DPP6: variants seen among roughly 807,000 people sequenced by gnomAD.
The protein encoded by DPP6 is dipeptidyl peptidase like 6, also known as A-type potassium channel modulatory protein DPP6.
Under a neutral mutation model 122.6 loss-of-function variants are expected in DPP6, and 69 were observed. The ratio of observed to expected loss-of-function variants is 0.56; its 90% CI spans 0.46 to 0.69. DPP6 has a LOEUF of 0.69. Ranked by LOEUF, DPP6 falls within the 30% of genes least tolerant of loss-of-function variation. The pLI is 0.00. For missense variants in DPP6, 928 were observed against 1,116.9 expected, an observed-to-expected ratio of 0.83 and a Z score of 2.41; for synonymous variants, 418 against 433.1, an observed-to-expected ratio of 0.97 and a Z score of 0.43.
chr7:154,078,942 T>C (rs1803777281), intron 1 of DPP6, among the ~76,000 whole-genome samples: 1 of 116,226 alleles, frequency 8.6e-6, no homozygotes, highest in Non-Finnish European at 1.7e-5. Flanking sequence ...AATACATTCT[T>C]TTCCAAAAAA....
At chr7:154,758,164 A>G (rs1413100027) in intron 8 of DPP6, among the ~76,000 whole-genome samples, 2 of 152,172 alleles carry the variant, frequency 1.3e-5, no homozygotes, top group Non-Finnish European at 2.9e-5. Flanking sequence ...AGAGCTTAGG[A>G]AACAGCATGG....
At chr7:154,070,716 T>G (rs948810019) in intron 1 of DPP6, among the ~76,000 whole-genome samples, 4 of 152,168 alleles carry the variant, frequency 2.6e-5, no homozygotes, top group Non-Finnish European at 4.4e-5. Context: ...ACAGAAAATT[T>G]AAATTAGCAC....
intron 10 of DPP6, among the ~76,000 whole-genome samples, chr7:154,774,145 TG>T (rs1796425118): frequency 6.6e-6 from 1 of 152,180 alleles, no homozygotes; most frequent in Non-Finnish European, 1.5e-5. Context: ...GGAGGGCCTG[TG>T]GCTCTAGAGG....
chr7:154,177,097 G>A (rs1327992000), intron 1 of DPP6, among the ~76,000 whole-genome samples: 1 of 152,110 alleles, frequency 6.6e-6, no homozygotes, highest in East Asian at 1.9e-4. Flanking sequence ...CCCTTCCAAA[G>A]TGCTGGGTTT....
At chr7:154,365,757 TC>T (rs1227313173) in intron 1 of DPP6, among the ~76,000 whole-genome samples, 1 of 151,720 alleles carries the variant, frequency 6.6e-6, no homozygotes, top group Non-Finnish European at 1.5e-5. Flanking sequence ...ATCGAGACCA[TC>T]CTGACTAACA....
At chr7:154,651,080 G>C (rs1020705862) in intron 6 of DPP6, among the ~76,000 whole-genome samples, 2 of 152,080 alleles carry the variant, frequency 1.3e-5, no homozygotes, top group African/African-American at 2.4e-5. Flanking sequence ...ATGCACTCAC[G>C]ACTTCATAGG....
At chr7:154,231,575 T>C (rs1800919640) in intron 1 of DPP6, among the ~76,000 whole-genome samples, 1 of 152,084 alleles carries the variant, frequency 6.6e-6, no homozygotes, top group Non-Finnish European at 1.5e-5. Context: ...CATGGAATAA[T>C]AATACTGGTG....
At chr7:153,884,991 T>TAC (rs1798855242), upstream of DPP6, among the ~76,000 whole-genome samples, 6 of 29,194 alleles carry the variant, frequency 2.1e-4, no homozygotes, top group South Asian at 6.1e-3. Flanking sequence ...AACAAAAATA[T>TAC]ATATATATAT....
chr7:153,910,864 C>T (rs560626604), intron 1 of DPP6, among the ~76,000 whole-genome samples: 3 of 152,274 alleles, frequency 2.0e-5, no homozygotes, highest in South Asian at 2.1e-4. Context: ...TCACATCTGA[C>T]CACGTCTCCC....
rs150299659 is a variant in DPP6 at position 154,309,335 on chromosome 7, GTTC to G, written c.244-136874_244-136872del. On this transcript the variant is annotated intron_variant, in intron 1 of 25. Transcript: ENST00000377770. ...CTGATAGATAACTCCCCATGTGTCT[GTTC>G]TTCTATTAAATTATGAGCCCCAGGA... Among the ~76,000 whole-genome samples the G allele has an allele frequency of 6.3e-3, 954 of 152,188 alleles. 13 individuals are homozygous for G. The highest frequency in any genetic ancestry group is 0.022 in the African/African-American group (894 of 41,536).
intron 1 of DPP6, among the ~76,000 whole-genome samples, chr7:153,953,294 A>G (rs1289993145): frequency 6.6e-6 from 1 of 152,206 alleles, no homozygotes; most frequent in Non-Finnish European, 1.5e-5. Context: ...ACTGCCATTT[A>G]TAGATAAGGA....
At chr7:154,027,246 G>C (rs1316136196) in intron 1 of DPP6, among the ~76,000 whole-genome samples, 1 of 151,556 alleles carries the variant, frequency 6.6e-6, no homozygotes, top group Non-Finnish European at 1.5e-5. Flanking sequence ...GAATTTTTGA[G>C]GACTCTTAAC....
At chr7:154,101,760 T>C (rs977082077) in intron 1 of DPP6, among the ~76,000 whole-genome samples, 85 of 151,222 alleles carry the variant, frequency 5.6e-4, no homozygotes, top group Non-Finnish European at 1.1e-3. Context: ...AAACCCCATC[T>C]CTACCAAAAA....
intron 19 of DPP6, among the ~76,000 whole-genome samples, chr7:154,873,657 T>G (rs983957831): frequency 5.3e-5 from 8 of 152,196 alleles, no homozygotes; most frequent in African/African-American, 1.9e-4. Flanking sequence ...TGATTCCGTT[T>G]TGCAATTAAC....
chr7:154,599,628 G>A (rs1198079413), intron 5 of DPP6, among the ~76,000 whole-genome samples: 1 of 151,614 alleles, frequency 6.6e-6, no homozygotes, highest in Non-Finnish European at 1.5e-5. Flanking sequence ...CCATTAACTC[G>A]TCATTTACAT....
At chr7:154,296,861 A>G (rs1805573159) in intron 1 of DPP6, among the ~76,000 whole-genome samples, 1 of 152,144 alleles carries the variant, frequency 6.6e-6, no homozygotes. Context: ...TGTTTGATGA[A>G]ACTTGCTGTG....
chr7:154,670,349 G>T (rs1461218724), intron 7 of DPP6, among the ~76,000 whole-genome samples: 1 of 152,152 alleles, frequency 6.6e-6, no homozygotes, highest in African/African-American at 2.4e-5. Flanking sequence ...AGAGAAAAAG[G>T]CCCTGAACAC....
chr7:153,990,121 C>T (rs1244107780), intron 1 of DPP6, among the ~76,000 whole-genome samples: 7 of 84,762 alleles, frequency 8.3e-5, no homozygotes, highest in Non-Finnish European at 1.7e-4. Context: ...CCGCCCCCTG[C>T]CAGCCCCACC....
intron 1 of DPP6, among the ~76,000 whole-genome samples, chr7:154,297,601 A>G (rs1805627380): frequency 6.6e-6 from 1 of 152,224 alleles, no homozygotes; most frequent in African/African-American, 2.4e-5. Context: ...GACTGTATCA[A>G]TTTTGGCTTG....
Sources: allele counts gnomAD v4.1 joint callset (sites outside exome capture counted in the v4.1 genomes callset), GRCh38; gene constraint gnomAD v4.1.1; transcripts MANE v1.5; gene names NCBI Gene and HGNC (gene_info 2026-07-23, HGNC 2026-07-21).